The following RORA variants were observed in gnomAD, a reference collection of about 807,000 sequenced individuals.
RORA encodes the protein nuclear receptor ROR-alpha.
RORA carries 7 observed loss-of-function variants against 69.5 expected under a neutral mutation model. The ratio of observed to expected loss-of-function variants is 0.10; its 90% CI spans 0.06 to 0.19. The LOEUF (loss-of-function observed/expected upper bound fraction) is 0.19, where lower values mean the gene tolerates loss of function less well. Among genes scored for constraint, RORA ranks in the 10% least tolerant of loss-of-function variants. The pLI, the probability that RORA is intolerant of heterozygous loss-of-function variation, is 1.00. For synonymous variants in RORA, 261 were observed against 240.8 expected (o/e 1.08, Z -0.78); for missense variants, 457 against 663.0 (o/e 0.69, Z 3.41).
intron 1 of RORA, among the ~76,000 whole-genome samples, chr15:61,092,734 A>G (rs2078726212): frequency 6.6e-6 from 1 of 152,264 alleles, no homozygotes; most frequent in Non-Finnish European, 1.5e-5. Context: ...TGAGGAAATT[A>G]AAATGTTATG....
At chr15:60,802,136 G>A (rs1395254652) in intron 1 of RORA, among the ~76,000 whole-genome samples, 1 of 152,184 alleles carries the variant, frequency 6.6e-6, no homozygotes, top group East Asian at 1.9e-4. Flanking sequence ...GGGAAGATTT[G>A]AGAGAACACA....
intron 2 of RORA, among the ~76,000 whole-genome samples, chr15:60,645,217 G>A (rs547169204): frequency 6.6e-6 from 1 of 152,024 alleles, no homozygotes; most frequent in African/African-American, 2.4e-5. Flanking sequence ...GAGGATCGTG[G>A]CATGAGGGAG....
intron 1 of RORA, among the ~76,000 whole-genome samples, chr15:60,743,627 T>A (rs1334491837): frequency 6.6e-6 from 1 of 152,144 alleles, no homozygotes; most frequent in Non-Finnish European, 1.5e-5. Flanking sequence ...ATGACTGAGG[T>A]TGACAAAAGA....
At chr15:60,738,475 A>G (rs748133897) in intron 1 of RORA, among the ~76,000 whole-genome samples, 1 of 152,138 alleles carries the variant, frequency 6.6e-6, no homozygotes, top group Non-Finnish European at 1.5e-5. Context: ...GCCACATCAC[A>G]TCTTTTGTGG....
chr15:61,209,768 C>T (rs756224264), intron 1 of RORA, among the ~76,000 whole-genome samples: 13 of 152,216 alleles, frequency 8.5e-5, no homozygotes, highest in Non-Finnish European at 1.8e-4. Context: ...GGTTACACAA[C>T]ATCCCTTTCT....
intron 1 of RORA, among the ~76,000 whole-genome samples, chr15:60,710,680 GC>G (rs1214275025): frequency 2.0e-5 from 3 of 152,160 alleles, no homozygotes; most frequent in African/African-American, 7.2e-5. Context: ...CACCTGGCAT[GC>G]ATTTACTCAC....
At chr15:61,127,372 G>A (rs1301406640) in intron 1 of RORA, among the ~76,000 whole-genome samples, 1 of 152,166 alleles carries the variant, frequency 6.6e-6, no homozygotes, top group African/African-American at 2.4e-5. Context: ...AAACTGGTGG[G>A]ATTCAAGAGA....
rs535616430 is a variant in RORA, at chr15:61,081,665, G to A, written c.166+147388C>T. 3.9e-5 allele frequency among the ~76,000 whole-genome samples: 6 copies of A among 152,108 alleles called. No homozygotes were observed. The East Asian group carries it at 5.8e-4, about 15-fold the overall frequency. ...TACTAAAAATTCAAAAAAATTAGCCGGGTGTGGTGGCGGGCGCCTGTAGTC... is the reference window on the plus strand; with the variant it reads ...TACTAAAAATTCAAAAAAATTAGCCAGGTGTGGTGGCGGGCGCCTGTAGTC... On this transcript the variant is annotated intron_variant, in intron 1 of 10. Transcript: ENST00000335670.
intron 2 of RORA, among the ~76,000 whole-genome samples, chr15:60,621,418 C>T (rs377068073): frequency 2.6e-5 from 4 of 152,154 alleles, no homozygotes; most frequent in South Asian, 2.1e-4. Flanking sequence ...GGGCTATAAC[C>T]GGGGCACACA....
intron 2 of RORA, among the ~76,000 whole-genome samples, chr15:60,666,595 C>G (rs1036733236): frequency 6.6e-6 from 1 of 152,148 alleles, no homozygotes; most frequent in Non-Finnish European, 1.5e-5. Context: ...CAGCAATTAA[C>G]AAGGTGGAAT....
At chr15:60,795,083 G>A (rs563595071) in intron 1 of RORA, among the ~76,000 whole-genome samples, 1 of 152,216 alleles carries the variant, frequency 6.6e-6, no homozygotes, top group Non-Finnish European at 1.5e-5. Flanking sequence ...TCACCATTTT[G>A]CTATGCATAT....
intron 1 of RORA, among the ~76,000 whole-genome samples, chr15:60,726,378 A>G (rs888686758): frequency 6.6e-6 from 1 of 152,200 alleles, no homozygotes; most frequent in African/African-American, 2.4e-5. Context: ...GATTGCAAAA[A>G]CAAAGGAGGC....
chr15:60,824,460 A>C (rs77991487), intron 1 of RORA, among the ~76,000 whole-genome samples: 4 of 147,554 alleles, frequency 2.7e-5, no homozygotes, highest in Non-Finnish European at 4.5e-5. Context: ...AAAAAAAAAA[A>C]CTCCTAAAGT....
chr15:60,788,738 C>T (rs1304431465), intron 1 of RORA, among the ~76,000 whole-genome samples: 1 of 152,148 alleles, frequency 6.6e-6, no homozygotes, highest in Non-Finnish European at 1.5e-5. Context: ...GGCCTCAGCC[C>T]AGGTACCTCA....
Position 60,616,171 on chromosome 15 carries a change from T to A in RORA, c.196+62486A>T, listed in dbSNP as rs546697492. On this transcript the variant is annotated intron_variant, in intron 2 of 10. Coordinates refer to ENST00000335670, the MANE Select transcript of RORA (RefSeq NM_134261.3). ...CACAAACTTAGGCACACATATGTAT[T>A]TGTGGTTTGGGGATCAACCGAGAGC... Among the ~76,000 whole-genome samples, 135 of 152,318 alleles carry A rather than the reference T, an allele frequency of 8.9e-4. 1 individual carries two copies. Among genetic ancestry groups the A allele is most frequent in the Non-Finnish European group, 1.5e-3 (104 of 68,028 alleles).
chr15:60,754,781 G>A (rs995907860), intron 1 of RORA, among the ~76,000 whole-genome samples: 13 of 152,178 alleles, frequency 8.5e-5, no homozygotes, highest in African/African-American at 2.9e-4. Context: ...GACCCAGAGA[G>A]GGCAAATGAC....
chr15:61,010,481 G>C (rs537901492), intron 1 of RORA, among the ~76,000 whole-genome samples: 1 of 152,090 alleles, frequency 6.6e-6, no homozygotes, highest in African/African-American at 2.4e-5. Flanking sequence ...ACTCTCTATC[G>C]AAGAAACAAA....
chr15:61,118,504 C>T (rs956412174), intron 1 of RORA, among the ~76,000 whole-genome samples: 7 of 152,118 alleles, frequency 4.6e-5, no homozygotes, highest in Non-Finnish European at 7.4e-5. Context: ...TTTTCTCACT[C>T]TTATTTGTAT....
In RORA at chr15:60,577,045, T is replaced by TA. The variant is rs890074703; in HGVS notation, c.197-45195dup. On this transcript the variant is annotated intron_variant, in intron 2 of 10. Transcript: ENST00000335670. ...TATGCCCAGGTCTTTGCTATATTAA[T>TA]AAAAAAAACAAAAACAAAAATCTCT... is the stretch of plus-strand genomic sequence containing the variant. 8.6e-5 allele frequency among the ~76,000 whole-genome samples: 13 copies of TA among 151,916 alleles called. 1 individual carries two copies. Among genetic ancestry groups the TA allele is most frequent in the Admixed American group, 5.9e-4 (9 of 15,260 alleles).
Sources: allele counts gnomAD v4.1 joint callset (sites outside exome capture counted in the v4.1 genomes callset), GRCh38; gene constraint gnomAD v4.1.1; transcripts MANE v1.5; gene names NCBI Gene and HGNC (gene_info 2026-07-23, HGNC 2026-07-21).